Variants in TCAIM observed in about 807,000 individuals in gnomAD.
TCAIM encodes T cell activation inhibitor, mitochondrial.
In TCAIM, 36 loss-of-function variants were observed where a neutral mutation model predicts 58.6. That is an observed-to-expected ratio of 0.61 (90% confidence interval 0.47 to 0.81). The LOEUF is 0.81. Among genes scored for constraint, TCAIM ranks in the 30% least tolerant of loss-of-function variants. The pLI is 0.00. For synonymous variants in TCAIM, 172 were observed against 193.6 expected (o/e 0.89, Z 0.93); for missense variants, 466 against 579.6 (o/e 0.80, Z 2.01).
At chr3:44,366,815 T>G (rs1263701699) in intron 4 of TCAIM, among the ~76,000 whole-genome samples, 1 of 152,186 alleles carries the variant, frequency 6.6e-6, no homozygotes, top group Non-Finnish European at 1.5e-5. Context: ...TTGGTCAGGC[T>G]GGTCTCAAAC....
intron 1 of TCAIM, among the ~76,000 whole-genome samples, chr3:44,352,990 C>T (rs371824343): frequency 1.4e-5 from 2 of 145,914 alleles, no homozygotes; most frequent in Admixed American, 1.4e-4. Context: ...GACGCGATCT[C>T]GGCTCACTGC....
At chr3:44,358,008 T>C in intron 3 of TCAIM, 132 bp downstream of exon 3, 2 of 1,377,322 alleles carry the variant, frequency 1.5e-6, no homozygotes, top group Admixed American at 5.8e-5. Context: ...TTGAACTAAT[T>C]TGAAATGTAG....
At chr3:44,381,363 G>A (rs1701652493) in intron 5 of TCAIM, among the ~76,000 whole-genome samples, 1 of 151,936 alleles carries the variant, frequency 6.6e-6, no homozygotes, top group Non-Finnish European at 1.5e-5. Flanking sequence ...AACCCCACGT[G>A]ATCATTTAAA....
intron 5 of TCAIM, among the ~76,000 whole-genome samples, chr3:44,378,322 A>G (rs1701598942): frequency 2.0e-5 from 3 of 151,820 alleles, no homozygotes; most frequent in Non-Finnish European, 4.4e-5. Context: ...GGAGGTTGCA[A>G]TGAGCTGAGA....
Position 44,393,618 on chromosome 3 carries a change from C to T in TCAIM, c.695+641C>T, listed in dbSNP as rs116520847. Among the ~76,000 whole-genome samples the T allele has an allele frequency of 8.9e-3, 1,357 of 151,950 alleles. 20 individuals carry two copies. The highest frequency in any genetic ancestry group is 0.032 in the African/African-American group (1,310 of 41,430). On this transcript the variant is annotated intron_variant, in intron 6 of 10. Transcript: ENST00000342649. Reference sequence around the variant, plus strand: ...ACATAATATATAAAAAATAATTATGCCCCCATCTTGTAAGATATTTAAGGC... The same window carrying T: ...ACATAATATATAAAAAATAATTATGTCCCCATCTTGTAAGATATTTAAGGC...
chr3:44,387,841 G>C (rs948253236), intron 5 of TCAIM, among the ~76,000 whole-genome samples: 1 of 152,128 alleles, frequency 6.6e-6, no homozygotes, highest in African/African-American at 2.4e-5. Context: ...CACTATGATT[G>C]TGCTGTTGCA....
rs148783208 is a variant in TCAIM at position 44,408,530 on chromosome 3, T to C, written c.*848T>C. The C allele has an allele frequency of 6.6e-6, 1 of 152,326 alleles. No individual in the cohort carries two copies. The highest frequency in any genetic ancestry group is 1.9e-4 in the East Asian group (1 of 5,190). 9.4% of individuals were successfully genotyped at this position (152,326 alleles called of 1,614,324 possible). A position where few individuals can be genotyped will look rare whatever the true frequency, so the allele number is the denominator to read the frequency against. ...TTAATTTTAAACCCATAATTTCTCC[T>C]ATCCATTAAAATATTATAATTGTTA... is the stretch of plus-strand genomic sequence containing the variant. On this transcript the variant is annotated 3_prime_UTR_variant, in exon 11 of 11. Transcript: ENST00000342649.
chr3:44,378,335 G>A (rs986366998), intron 5 of TCAIM, among the ~76,000 whole-genome samples: 4 of 151,810 alleles, frequency 2.6e-5, no homozygotes, highest in Admixed American at 6.6e-5. Flanking sequence ...AGCTGAGATC[G>A]TGCCACTGCA....
At chr3:44,368,434 A>G (rs1239779555) in intron 5 of TCAIM, among the ~76,000 whole-genome samples, 1 of 152,214 alleles carries the variant, frequency 6.6e-6, no homozygotes, top group African/African-American at 2.4e-5. Context: ...TTTGTGGATT[A>G]TCTATACTAA....
chr3:44,361,338 G>T (rs201319681), intron 3 of TCAIM, 27 bp from the exon 4 acceptor site: 13 of 1,572,616 alleles, frequency 8.3e-6, no homozygotes, highest in Middle Eastern at 1.7e-4. Flanking sequence ...TATTTTGTAT[G>T]TAAATGCCCT....
intron 5 of TCAIM, among the ~76,000 whole-genome samples, chr3:44,381,212 CA>C (rs1701649773): frequency 6.6e-6 from 1 of 151,910 alleles, no homozygotes; most frequent in South Asian, 2.1e-4. Context: ...CAAAAAGCTT[CA>C]AAAAATCCTA....
At chr3:44,338,441 A>T (rs975587771), upstream of TCAIM, 1 of 152,236 alleles carries the variant, frequency 6.6e-6, no homozygotes, top group Non-Finnish European at 1.5e-5. Flanking sequence ...GGCTGTGCGC[A>T]GGCGCCGTAG....
At position 44,392,970 on chromosome 3, in the gene TCAIM, GAT is replaced by G; in HGVS notation, c.691_692del (p.Ile231GlnfsTer13). On this transcript the variant is annotated frameshift_variant, in exon 6 of 11. Transcript: ENST00000342649. LOFTEE classifies it high-confidence loss of function. ...DELSHQLQLSDIRWQRSWGIA... is the reference protein window; with the variant it reads ...DELSHQLQLSXIRWQRSWGIA... ...ACTGTCTCATCAATTGCAACTCTCAGATATCAGGTAAGAAAGAAGAGAGAACC... is the reference window on the plus strand; with the variant it reads ...ACTGTCTCATCAATTGCAACTCTCAGATCAGGTAAGAAAGAAGAGAGAACC... The G allele has an allele frequency of 6.2e-7, 1 of 1,609,550 alleles. No individual in the cohort carries two copies. Among genetic ancestry groups the G allele is most frequent in the South Asian group, 1.1e-5 (1 of 90,348 alleles).
intron 10 of TCAIM, among the ~76,000 whole-genome samples, chr3:44,403,257 A>T (rs1702049865): frequency 6.6e-6 from 1 of 152,244 alleles, no homozygotes; most frequent in African/African-American, 2.4e-5. Context: ...CAACAGAGCG[A>T]GACTCCGTCT....
chr3:44,353,154 CA>C (rs1386164200), intron 1 of TCAIM, among the ~76,000 whole-genome samples: 1 of 152,100 alleles, frequency 6.6e-6, no homozygotes, highest in Non-Finnish European at 1.5e-5. Flanking sequence ...CTCCTGACCT[CA>C]GGTGATCCGC....
At chr3:44,398,388 C>T (rs1228867977) in intron 8 of TCAIM, among the ~76,000 whole-genome samples, 3 of 151,968 alleles carry the variant, frequency 2.0e-5, no homozygotes, top group Non-Finnish European at 4.4e-5. Context: ...CGAGATTGCG[C>T]CACTGCATTC....
intron 1 of TCAIM, among the ~76,000 whole-genome samples, chr3:44,344,710 G>A (rs982806144): frequency 5.9e-5 from 9 of 152,172 alleles, no homozygotes; most frequent in African/African-American, 2.2e-4. Context: ...AGAGAGCAAT[G>A]AAGCTTTTTA....
At chr3:44,404,484 T>C (rs1702069496) in intron 10 of TCAIM, among the ~76,000 whole-genome samples, 1 of 152,062 alleles carries the variant, frequency 6.6e-6, no homozygotes, top group South Asian at 2.1e-4. Flanking sequence ...CTCATCCCTA[T>C]ACTTAGCCCC....
intron 6 of TCAIM, 128 bp from the exon 7 acceptor site, chr3:44,396,272 A>G: frequency 1.5e-6 from 1 of 676,354 alleles, no homozygotes; most frequent in Non-Finnish European, 2.4e-6. Context: ...TGATCAATCA[A>G]AACATGTTAT....
Sources: gnomAD v4.1 joint callset for allele counts (sites outside exome capture counted in the v4.1 genomes callset) on GRCh38, gnomAD v4.1.1 for gene constraint, MANE v1.5 for transcripts, NCBI Gene and HGNC (gene_info 2026-07-23, HGNC 2026-07-21) for gene names.